Variants in C11orf65 observed in about 807,000 individuals in gnomAD.
The protein encoded by C11orf65 is chromosome 11 open reading frame 65.
A neutral mutation model predicts 35.3 loss-of-function variants in C11orf65; 38 were observed. The observed-to-expected ratio is 1.08, with a 90% CI of 0.83 to 1.41. C11orf65 has a LOEUF of 1.41. Ranked by LOEUF, C11orf65 falls within the 40% of genes most tolerant of loss-of-function variation. C11orf65 has a pLI of 0.00. For missense variants in C11orf65, 370 were observed against 367.1 expected (o/e 1.01, Z -0.06); for synonymous variants, 105 against 114.4 (o/e 0.92, Z 0.53).
At chr11:108,461,890 G>C (rs2093477802) in intron 1 of C11orf65, among the ~76,000 whole-genome samples, 1 of 151,850 alleles carries the variant, frequency 6.6e-6, no homozygotes, top group African/African-American at 2.4e-5. Context: ...CAAAGTGCTG[G>C]GATTGTAAGC....
intron 2 of C11orf65, among the ~76,000 whole-genome samples, chr11:108,341,350 C>T (rs1464955051): frequency 1.3e-5 from 2 of 152,088 alleles, no homozygotes; most frequent in Non-Finnish European, 2.9e-5. Flanking sequence ...CCCACTTTCT[C>T]TCTTTTTTAA....
At chr11:108,376,865 A>C (rs951410252) in intron 2 of C11orf65, among the ~76,000 whole-genome samples, 1 of 151,502 alleles carries the variant, frequency 6.6e-6, no homozygotes, top group African/African-American at 2.4e-5. Context: ...TATGCAAATA[A>C]ACTAGAAAAT....
At chr11:108,363,334 A>G (rs1259342807) in intron 2 of C11orf65, among the ~76,000 whole-genome samples, 1 of 151,938 alleles carries the variant, frequency 6.6e-6, no homozygotes. Flanking sequence ...ACCTGGGTGT[A>G]TTTCCCTTTT....
intron 2 of C11orf65, chr11:108,335,731 A>G (rs749643745): frequency 4.0e-4 from 303 of 751,782 alleles, no homozygotes; most frequent in Non-Finnish European, 6.4e-4. Flanking sequence ...GAGACTGTCA[A>G]GAGGTGCACA....
At chr11:108,313,962 G>T (rs1308831653) in intron 6 of C11orf65, among the ~76,000 whole-genome samples, 2 of 151,984 alleles carry the variant, frequency 1.3e-5, no homozygotes, top group African/African-American at 4.8e-5. Context: ...TTACAACAAA[G>T]ATTTCAGTAA....
At chr11:108,469,227 A>AG (rs936422839), upstream of C11orf65, among the ~76,000 whole-genome samples, 10 of 151,746 alleles carry the variant, frequency 6.6e-5, no homozygotes, top group East Asian at 1.9e-4. Context: ...AAAAAAAAAA[A>AG]ATTAAATTCA....
chr11:108,327,569 T>C, downstream of C11orf65: 3 of 1,233,292 alleles, frequency 2.4e-6, no homozygotes, highest in East Asian at 4.9e-5. Context: ...ACCTGCTTTT[T>C]TCCCCGTACA....
At chr11:108,317,099 ATT>A (rs200142001) in intron 6 of C11orf65, among the ~76,000 whole-genome samples, 5 of 68,910 alleles carry the variant, frequency 7.3e-5, no homozygotes, top group Admixed American at 1.7e-4. Context: ...ATACCCAGCT[ATT>A]TTAAAAAAAA....
Position 108,405,480 on chromosome 11 carries a change from T to G in C11orf65, c.509A>C (p.Gln170Pro). 1 of 1,613,698 alleles carries G rather than the reference T, an allele frequency of 6.2e-7. No homozygotes were observed. The highest frequency in any genetic ancestry group is 8.5e-7 in the Non-Finnish European group (1 of 1,179,780). Reference sequence around the variant, plus strand: ...AAGTTTTCTTTTCTTTTCCAAATCTTGCCTTCTCTTCAGTTTAGAGAAATG... The same window carrying G: ...AAGTTTTCTTTTCTTTTCCAAATCTGGCCTTCTCTTCAGTTTAGAGAAATG... ...EFHFSKLKRR[Q>P]DLEKKRKLRK... is the part of the protein sequence containing the mutation. Residue 170 changes from glutamine (Q) to proline (P), a missense_variant, in exon 6 of 9, where the codon CAA becomes CCA. Physicochemically the swap from Gln to Pro is moderately conservative, Grantham distance 76. Transcript: ENST00000393084.
Position 108,407,077 on chromosome 11 carries a change from A to T in C11orf65, c.228+19T>A. 6.2e-7 allele frequency: 1 copy of T among 1,603,728 alleles called. No individual in the cohort carries two copies. Among genetic ancestry groups the T allele is most frequent in the Non-Finnish European group, 8.5e-7 (1 of 1,172,312 alleles). ...AAATGTGCTTTATAACTACTAAATA[A>T]GCATTCATCCATACTTACTCCACCT... is the stretch of plus-strand genomic sequence containing the variant. On this transcript the variant is annotated intron_variant, in intron 4 of 8. Transcript: ENST00000393084.
At chr11:108,387,216 A>G (rs227054) in intron 7 of C11orf65, among the ~76,000 whole-genome samples, 84,236 of 136,712 alleles carry the variant, frequency 0.62, 25,801 homozygotes, top group Middle Eastern at 0.79. Context: ...GTGTGATGGC[A>G]CGATCTCGGC....
chr11:108,366,872 G>A, intron 2 of C11orf65: 1 of 229,418 alleles, frequency 4.4e-6, no homozygotes, highest in Admixed American at 5.7e-5. Context: ...GGCAAGCCCT[G>A]GGTTCTTTGC....
At chr11:108,404,586 CTTTT>C (rs71047693) in intron 6 of C11orf65, among the ~76,000 whole-genome samples, 4 of 136,834 alleles carry the variant, frequency 2.9e-5, no homozygotes, top group African/African-American at 1.1e-4. Flanking sequence ...TTTTTCTTTT[CTTTT>C]TTTTTTTTTT....
At chr11:108,359,236 G>A (rs1420569531) in intron 2 of C11orf65, among the ~76,000 whole-genome samples, 1 of 151,468 alleles carries the variant, frequency 6.6e-6, no homozygotes. Context: ...AATTCAACAA[G>A]AAGAGCTAAC....
At chr11:108,347,039 G>A (rs926720190) in intron 2 of C11orf65, among the ~76,000 whole-genome samples, 4 of 152,070 alleles carry the variant, frequency 2.6e-5, no homozygotes, top group Admixed American at 6.5e-5. Context: ...GTGCCTATTA[G>A]TAAAGAGAAA....
intron 6 of C11orf65, among the ~76,000 whole-genome samples, chr11:108,395,475 C>T (rs550819859): frequency 1.1e-4 from 16 of 151,768 alleles, no homozygotes; most frequent in African/African-American, 2.7e-4. Flanking sequence ...CAGCCCACCA[C>T]GCCCAGCTAA....
At chr11:108,330,380 C>G (rs1555123259), downstream of C11orf65, 1 of 1,614,144 alleles carries the variant, frequency 6.2e-7, no homozygotes, top group Non-Finnish European at 8.5e-7. Flanking sequence ...TTCCCTCTGG[C>G]TTGAAAATTC....
At chr11:108,403,420 G>T (rs6589015) in intron 6 of C11orf65, among the ~76,000 whole-genome samples, 114,493 of 119,628 alleles carry the variant, frequency 0.96, 54,684 homozygotes, top group Middle Eastern at 0.98. Flanking sequence ...TTTTTTTTTT[G>T]TTTTTTTTTT....
intron 2 of C11orf65, among the ~76,000 whole-genome samples, chr11:108,456,986 G>A (rs892320348): frequency 8.5e-5 from 13 of 152,118 alleles, no homozygotes; most frequent in Non-Finnish European, 8.8e-5. Flanking sequence ...TACTTATAAC[G>A]TAATAGTACA....
Sources: gnomAD v4.1 joint callset for allele counts (sites outside exome capture counted in the v4.1 genomes callset) on GRCh38, gnomAD v4.1.1 for gene constraint, MANE v1.5 for transcripts, NCBI Gene and HGNC (gene_info 2026-07-23, HGNC 2026-07-21) for gene names.